The following SMAD2 variants were observed in gnomAD, a reference collection of about 807,000 sequenced individuals.
The protein encoded by SMAD2 is MAD homolog 2.
Under a neutral mutation model 64.4 loss-of-function variants are expected in SMAD2, and 8 were observed. The observed-to-expected ratio is 0.12, with a 90% CI of 0.07 to 0.22. The LOEUF is 0.22. SMAD2 is among the 10% of genes least tolerant of loss of function. The pLI is 1.00. For missense variants in SMAD2, 289 were observed against 561.2 expected (o/e 0.51, Z 4.90); for synonymous variants, 203 against 195.8 (o/e 1.04, Z -0.31).
At chr18:47,890,767 C>T (rs1164301328) in intron 2 of SMAD2, among the ~76,000 whole-genome samples, 2 of 152,156 alleles carry the variant, frequency 1.3e-5, no homozygotes, top group Non-Finnish European at 2.9e-5. Context: ...GACAGACACA[C>T]GCACATGCCT....
At chr18:47,878,990 G>A (rs2032427323) in intron 2 of SMAD2, among the ~76,000 whole-genome samples, 1 of 152,094 alleles carries the variant, frequency 6.6e-6, no homozygotes, top group African/African-American at 2.4e-5. Context: ...CAAAATATTA[G>A]CTGGGTGTGC....
chr18:47,887,865 C>T (rs146255913), intron 2 of SMAD2, among the ~76,000 whole-genome samples: 9 of 152,304 alleles, frequency 5.9e-5, no homozygotes, highest in Non-Finnish European at 8.8e-5. Context: ...GGGAGAAATA[C>T]CTTAACATAT....
chr18:47,861,264 C>T (rs761375597), intron 6 of SMAD2, among the ~76,000 whole-genome samples: 1 of 152,016 alleles, frequency 6.6e-6, no homozygotes, highest in Non-Finnish European at 1.5e-5. Context: ...GTTCAGGTTA[C>T]AGTGAGCTGA....
At chr18:47,862,988 CAA>C (rs931536862) in intron 6 of SMAD2, among the ~76,000 whole-genome samples, 2 of 142,224 alleles carry the variant, frequency 1.4e-5, no homozygotes. Flanking sequence ...AAATCTAAAT[CAA>C]AAAAAAAAAG....
intron 1 of SMAD2, among the ~76,000 whole-genome samples, chr18:47,920,374 A>G (rs1320412443): frequency 1.3e-5 from 2 of 152,224 alleles, no homozygotes; most frequent in Non-Finnish European, 2.9e-5. Context: ...TCAATTCGCA[A>G]TCCGTATTAA....
rs986211160 is a variant in SMAD2, at chr18:47,925,544, T to C, written c.-54+4817A>G. On this transcript the variant is annotated intron_variant, in intron 1 of 10. Transcript: ENST00000262160. ...TTCTCCCTACATGAAATTGCTGAAC[T>C]GAAGCTGCGAGCTATCTTTGAGATG... Among the ~76,000 whole-genome samples the C allele has an allele frequency of 5.4e-5, 8 of 147,222 alleles. 1 individual carries two copies. In the East Asian group the frequency reaches 1.7e-3, roughly 31 times the overall value.
At chr18:47,872,261 TA>T (rs1269535781) in intron 2 of SMAD2, among the ~76,000 whole-genome samples, 1 of 152,148 alleles carries the variant, frequency 6.6e-6, no homozygotes, top group Non-Finnish European at 1.5e-5. Context: ...TTCTAGCTAG[TA>T]AAATCATTGC....
intron 2 of SMAD2, among the ~76,000 whole-genome samples, chr18:47,872,612 G>A (rs946410043): frequency 2.0e-5 from 3 of 152,156 alleles, no homozygotes; most frequent in Admixed American, 1.3e-4. Flanking sequence ...CAGCAGGGGA[G>A]AGACCATTAC....
intron 2 of SMAD2, among the ~76,000 whole-genome samples, chr18:47,890,114 T>C (rs1003776534): frequency 5.9e-5 from 9 of 152,290 alleles, no homozygotes; most frequent in African/African-American, 2.2e-4. Context: ...AGGAGCCCCC[T>C]CAAAATACCT....
Position 47,836,977 on chromosome 18 carries a change from A to G in SMAD2, c.*4850T>C. 1 of 212,590 alleles carries G rather than the reference A, an allele frequency of 4.7e-6. No individual in the cohort carries two copies. Among genetic ancestry groups the G allele is most frequent in the African/African-American group, 2.3e-5 (1 of 44,374 alleles). 13.2% of individuals were successfully genotyped at this position (212,590 alleles called of 1,614,324 possible). On this transcript the variant is annotated 3_prime_UTR_variant, in exon 11 of 11. Transcript: ENST00000262160. ...GAGACCACACACTATCATTATTCTG[A>G]CTGTCTTAAATACAACAATCCAATA... is the stretch of plus-strand genomic sequence containing the variant.
intron 2 of SMAD2, among the ~76,000 whole-genome samples, chr18:47,894,079 T>C (rs1282473903): frequency 1.3e-5 from 2 of 152,184 alleles, no homozygotes; most frequent in Admixed American, 6.5e-5. Context: ...ATGACTAAGG[T>C]GACCTCCTCC....
intron 2 of SMAD2, among the ~76,000 whole-genome samples, chr18:47,890,124 T>C (rs1450327876): frequency 1.3e-5 from 2 of 152,182 alleles, no homozygotes; most frequent in Non-Finnish European, 2.9e-5. Flanking sequence ...TCAAAATACC[T>C]AACTGTAAAT....
At chr18:47,848,359 C>T in intron 8 of SMAD2, 116 bp downstream of exon 8, 1 of 787,760 alleles carries the variant, frequency 1.3e-6, no homozygotes, top group Non-Finnish European at 2.2e-6. Context: ...GGCACTTAAA[C>T]CACCAGAGAG....
intron 2 of SMAD2, among the ~76,000 whole-genome samples, chr18:47,872,910 G>A (rs2032031520): frequency 1.3e-5 from 2 of 152,086 alleles, no homozygotes; most frequent in Admixed American, 1.3e-4. Flanking sequence ...CAAATACAAT[G>A]CCATTTTATT....
At position 47,842,590 on chromosome 18, in the gene SMAD2, T is replaced by C. The variant is rs116318773; in HGVS notation, c.1281-640A>G. On this transcript the variant is annotated intron_variant, in intron 10 of 10. Transcript: ENST00000262160. ...CCAAAAGGAGACACGTGAATCAGGA[T>C]TGTCCAAGCAAACCAAGACATAAAG... Among the ~76,000 whole-genome samples, 580 of 152,034 alleles carry C rather than the reference T, an allele frequency of 3.8e-3. 2 individuals carry two copies. Among genetic ancestry groups the C allele is most frequent in the African/African-American group, 0.013 (537 of 41,442 alleles).
At chr18:47,885,148 C>T (rs143663368) in intron 2 of SMAD2, among the ~76,000 whole-genome samples, 3,677 of 140,964 alleles carry the variant, frequency 0.026, 138 homozygotes, top group African/African-American at 0.073. Flanking sequence ...CACACACACA[C>T]ACACACACAC....
intron 2 of SMAD2, among the ~76,000 whole-genome samples, chr18:47,874,256 T>A (rs1169373964): frequency 2.0e-5 from 3 of 152,152 alleles, no homozygotes; most frequent in Non-Finnish European, 4.4e-5. Context: ...TGAAAAAGAA[T>A]TACTGACCCA....
chr18:47,847,393 C>G (rs1472014501), intron 8 of SMAD2, among the ~76,000 whole-genome samples: 1 of 151,888 alleles, frequency 6.6e-6, no homozygotes, highest in Non-Finnish European at 1.5e-5. Context: ...CAGAAGCAAA[C>G]TACTGTTAAA....
intron 5 of SMAD2, among the ~76,000 whole-genome samples, chr18:47,865,973 T>C (rs948027333): frequency 6.6e-6 from 1 of 152,092 alleles, no homozygotes; most frequent in Non-Finnish European, 1.5e-5. Flanking sequence ...CTGAACAGTT[T>C]TGAGCGATTC....
Sources: gnomAD v4.1 joint callset for allele counts (sites outside exome capture counted in the v4.1 genomes callset) on GRCh38, gnomAD v4.1.1 for gene constraint, MANE v1.5 for transcripts, NCBI Gene and HGNC (gene_info 2026-07-23, HGNC 2026-07-21) for gene names.